The following CDKAL1 variants were observed in gnomAD, a reference collection of about 807,000 sequenced individuals.
CDKAL1 encodes threonylcarbamoyladenosine tRNA methylthiotransferase.
CDKAL1 carries 32 observed loss-of-function variants against 68.2 expected under a neutral mutation model. The observed-to-expected ratio is 0.47, with a 90% CI of 0.35 to 0.63. The LOEUF (loss-of-function observed/expected upper bound fraction) is 0.63, where lower values mean the gene tolerates loss of function less well. Among genes scored for constraint, CDKAL1 ranks in the 30% least tolerant of loss-of-function variants. The pLI is 0.00. For missense variants in CDKAL1, 606 were observed against 696.7 expected (o/e 0.87, Z 1.47); for synonymous variants, 234 against 244.3 (o/e 0.96, Z 0.39).
chr6:20,871,215 TC>T (rs1760195694), intron 9 of CDKAL1, among the ~76,000 whole-genome samples: 1 of 152,198 alleles, frequency 6.6e-6, no homozygotes, highest in Non-Finnish European at 1.5e-5. Context: ...AATAGCGTTA[TC>T]AGTACATGAA....
At chr6:20,884,501 A>C (rs1017879523) in intron 9 of CDKAL1, among the ~76,000 whole-genome samples, 2 of 152,224 alleles carry the variant, frequency 1.3e-5, no homozygotes, top group African/African-American at 4.8e-5. Flanking sequence ...TCGAATTCCC[A>C]ATCAGAGCAG....
intron 9 of CDKAL1, among the ~76,000 whole-genome samples, chr6:20,919,720 A>AT (rs767137593): frequency 1.3e-5 from 2 of 152,078 alleles, no homozygotes; most frequent in Admixed American, 6.5e-5. Flanking sequence ...CATGATTGGT[A>AT]TTTTTTTGGC....
At chr6:20,600,899 T>C (rs895465276) in intron 4 of CDKAL1, among the ~76,000 whole-genome samples, 5 of 151,940 alleles carry the variant, frequency 3.3e-5, no homozygotes, top group African/African-American at 9.7e-5. Flanking sequence ...TATAATTCAC[T>C]CTATGTACAA....
chr6:20,707,255 T>C (rs1771643101), intron 5 of CDKAL1, among the ~76,000 whole-genome samples: 1 of 152,198 alleles, frequency 6.6e-6, no homozygotes, highest in South Asian at 2.1e-4. Context: ...TTTGGGTCTT[T>C]CCTTGGTCAC....
chr6:20,788,556 A>G (rs769815918), intron 8 of CDKAL1, among the ~76,000 whole-genome samples: 17 of 152,180 alleles, frequency 1.1e-4, no homozygotes, highest in Non-Finnish European at 1.9e-4. Flanking sequence ...AGTCATAGAC[A>G]CTTTATTTTC....
chr6:20,636,589 A>T (rs1767914069), intron 4 of CDKAL1, among the ~76,000 whole-genome samples: 1 of 152,204 alleles, frequency 6.6e-6, no homozygotes. Flanking sequence ...TAGTATTTCA[A>T]ACCATGGGAG....
intron 4 of CDKAL1, among the ~76,000 whole-genome samples, chr6:20,643,302 G>C (rs1258550711): frequency 6.6e-6 from 1 of 151,460 alleles, no homozygotes; most frequent in Non-Finnish European, 1.5e-5. Context: ...TCTAAGGCAA[G>C]ATCAGAAGGT....
chr6:20,625,822 A>G (rs1387941967), intron 4 of CDKAL1, among the ~76,000 whole-genome samples: 1 of 152,156 alleles, frequency 6.6e-6, no homozygotes, highest in Non-Finnish European at 1.5e-5. Flanking sequence ...GTGAAAAAAA[A>G]TGGCCAGATT....
chr6:20,877,071 A>G (rs1021003528), intron 9 of CDKAL1, among the ~76,000 whole-genome samples: 1 of 152,198 alleles, frequency 6.6e-6, no homozygotes, highest in Non-Finnish European at 1.5e-5. Flanking sequence ...TCTGAAGCTT[A>G]TATTCTAAAT....
intron 13 of CDKAL1, among the ~76,000 whole-genome samples, chr6:21,160,457 C>T (rs903567830): frequency 2.6e-5 from 4 of 151,282 alleles, no homozygotes; most frequent in African/African-American, 9.7e-5. Flanking sequence ...ACCACCATGC[C>T]CAGCTAATTT....
intron 9 of CDKAL1, among the ~76,000 whole-genome samples, chr6:20,926,570 T>C (rs919655420): frequency 6.6e-6 from 1 of 152,132 alleles, no homozygotes; most frequent in Admixed American, 6.6e-5. Flanking sequence ...AATATGCAGG[T>C]TGGTTATTGG....
chr6:21,195,411 C>T (rs892668961), intron 13 of CDKAL1, among the ~76,000 whole-genome samples: 3 of 152,232 alleles, frequency 2.0e-5, no homozygotes, highest in Admixed American at 6.5e-5. Context: ...GATCCACCCG[C>T]CCTGGCCTCC....
intron 9 of CDKAL1, among the ~76,000 whole-genome samples, chr6:20,881,737 T>C (rs1477304142): frequency 2.0e-5 from 3 of 152,190 alleles, no homozygotes; most frequent in Non-Finnish European, 4.4e-5. Context: ...TTTTTTATTA[T>C]GGTTGTGCAT....
rs539005451 is a variant in CDKAL1, at chr6:21,034,561, A to G, written c.1056-30487A>G. On this transcript the variant is annotated intron_variant, in intron 11 of 15. Transcript: ENST00000274695. ...TTTTTATTTTACCAGAAATGAGTAC[A>G]GTTTTCTAAAGCACACATGTAGCTT... Among the ~76,000 whole-genome samples the G allele has an allele frequency of 3.9e-5, 6 of 152,354 alleles. No individual in the cohort carries two copies. In the South Asian group the frequency reaches 1.2e-3, roughly 32 times the overall value.
At chr6:20,887,953 A>T (rs535030421) in intron 9 of CDKAL1, among the ~76,000 whole-genome samples, 10 of 149,452 alleles carry the variant, frequency 6.7e-5, no homozygotes, top group African/African-American at 1.5e-4. Flanking sequence ...TAAAAAAAAA[A>T]TTTTTTTTGG....
chr6:20,833,328 G>A (rs72832373), intron 8 of CDKAL1, among the ~76,000 whole-genome samples: 15,473 of 152,040 alleles, frequency 0.1, 987 homozygotes, highest in East Asian at 0.33. Flanking sequence ...ACTGTAGTTC[G>A]CACCTTTTGC....
intron 13 of CDKAL1, among the ~76,000 whole-genome samples, chr6:21,177,271 A>C (rs1337796821): frequency 6.6e-6 from 1 of 152,116 alleles, no homozygotes; most frequent in Non-Finnish European, 1.5e-5. Context: ...TTTTTCCTCC[A>C]CTTTAATACA....
chr6:20,633,536 T>A (rs969916881), intron 4 of CDKAL1, among the ~76,000 whole-genome samples: 18 of 152,244 alleles, frequency 1.2e-4, no homozygotes, highest in African/African-American at 4.1e-4. Flanking sequence ...TTCATTTTTC[T>A]GGGGTATATA....
At chr6:21,042,647 G>C (rs1441242445) in intron 11 of CDKAL1, among the ~76,000 whole-genome samples, 1 of 152,012 alleles carries the variant, frequency 6.6e-6, no homozygotes, top group African/African-American at 2.4e-5. Flanking sequence ...CTGCCCCACT[G>C]TCACTATCCT....
Sources: allele counts gnomAD v4.1 joint callset (sites outside exome capture counted in the v4.1 genomes callset), GRCh38; gene constraint gnomAD v4.1.1; transcripts MANE v1.5; gene names NCBI Gene and HGNC (gene_info 2026-07-23, HGNC 2026-07-21).